EBF2: variants seen among roughly 807,000 people sequenced by gnomAD.
EBF2 encodes transcription factor COE2.
In EBF2, 21 loss-of-function variants were observed where a neutral mutation model predicts 72.8. The ratio of observed to expected loss-of-function variants is 0.29; its 90% CI spans 0.20 to 0.42. The LOEUF is 0.42. EBF2 is among the 10% of genes least tolerant of loss of function. EBF2 has a pLI of 1.00. For missense variants in EBF2, 637 were observed against 731.2 expected, an observed-to-expected ratio of 0.87 and a Z score of 1.49; for synonymous variants, 299 against 274.2, an observed-to-expected ratio of 1.09 and a Z score of -0.89.
At chr8:25,932,202 T>A (rs1803496259) in intron 6 of EBF2, among the ~76,000 whole-genome samples, 1 of 152,148 alleles carries the variant, frequency 6.6e-6, no homozygotes, top group Non-Finnish European at 1.5e-5. Flanking sequence ...CCTTCCTCCA[T>A]TCTAAGCCTT....
At chr8:26,041,028 C>A (rs201093663) in intron 2 of EBF2, 26 bp from the exon 3 acceptor site, 22 of 1,613,320 alleles carry the variant, frequency 1.4e-5, no homozygotes, top group Admixed American at 1.7e-5. Flanking sequence ...GCGTTCGATT[C>A]CCTTGCCTTT....
intron 6 of EBF2, among the ~76,000 whole-genome samples, chr8:25,999,021 T>C (rs1330995268): frequency 6.6e-6 from 1 of 152,132 alleles, no homozygotes; most frequent in Non-Finnish European, 1.5e-5. Context: ...CAATTTCTTG[T>C]AGAAGAGCTG....
rs555483014 is a variant in EBF2, at chr8:25,854,002, G to A, written c.1529-3241C>T. On this transcript the variant is annotated intron_variant, in intron 14 of 15. Coordinates refer to ENST00000520164, the MANE Select transcript of EBF2 (RefSeq NM_022659.4). ...TTAAATGTATTGCTTTCACTTGTCC[G>A]TATCTTCAAAGTTTTCTACAACAAA... 2.6e-5 allele frequency among the ~76,000 whole-genome samples: 4 copies of A among 152,134 alleles called. No homozygotes were observed. The East Asian group carries it at 5.8e-4, about 22-fold the overall frequency.
chr8:26,027,765 G>A (rs1805323519), intron 6 of EBF2, among the ~76,000 whole-genome samples: 1 of 152,034 alleles, frequency 6.6e-6, no homozygotes, highest in Non-Finnish European at 1.5e-5. Context: ...CCATACAACG[G>A]AATATCATTT....
At position 26,040,992 on chromosome 8, in the gene EBF2, T is replaced by C. The variant is rs1463763070; in HGVS notation, c.299A>G (p.Asn100Ser). 1.2e-6 allele frequency: 2 copies of C among 1,614,168 alleles called. No individual in the cohort carries two copies. Among genetic ancestry groups the C allele is most frequent in the South Asian group, 1.1e-5 (1 of 91,044 alleles). Residue 100 changes from asparagine (N) to serine (S), a missense_variant, in exon 3 of 16, where the codon AAC (asparagine) becomes AGC (serine). Physicochemically the swap from Asn to Ser is conservative, Grantham distance 46. Coordinates refer to ENST00000520164, the MANE Select transcript of EBF2 (RefSeq NM_022659.4). ...GTGAGTGCCGTTGTTGGTCTTCTCG[T>C]TGCCTTGTTCCTGAAAAGACAGGCA... ...DFVENDKEQGNEKTNNGTHYK... is the reference protein window; with the variant it reads ...DFVENDKEQGSEKTNNGTHYK...
chr8:26,036,490 A>C (rs1047349958), intron 5 of EBF2, among the ~76,000 whole-genome samples: 1 of 152,182 alleles, frequency 6.6e-6, no homozygotes, highest in Non-Finnish European at 1.5e-5. Context: ...AATTAGCCCC[A>C]TTTGAGCCCA....
chr8:26,018,987 A>G (rs964427455), intron 6 of EBF2, among the ~76,000 whole-genome samples: 2 of 149,630 alleles, frequency 1.3e-5, no homozygotes, highest in African/African-American at 4.9e-5. Flanking sequence ...GGAAGGTATT[A>G]GGCATCCTCT....
chr8:25,889,902 T>C (rs1314708809), intron 7 of EBF2, 33 bp from the exon 8 acceptor site: 1 of 1,576,288 alleles, frequency 6.3e-7, no homozygotes, highest in African/African-American at 1.4e-5. Context: ...AGAAAGGGGG[T>C]GCAGTGGAAT....
At chr8:26,039,906 C>A in intron 5 of EBF2, 122 bp downstream of exon 5, 1 of 985,558 alleles carries the variant, frequency 1.0e-6, no homozygotes, top group South Asian at 1.4e-5. Flanking sequence ...CCCGTCTGCC[C>A]GCGAGGCCTC....
intron 6 of EBF2, among the ~76,000 whole-genome samples, chr8:25,998,656 T>C (rs1198320369): frequency 6.6e-6 from 1 of 152,242 alleles, no homozygotes; most frequent in East Asian, 1.9e-4. Context: ...TCCCTGGTTG[T>C]AAGTGTCTGA....
chr8:26,005,561 T>TAGAGAGAGAGAGAG lies in EBF2; in HGVS notation c.551+27510_551+27523dup, dbSNP rs1554481009. On this transcript the variant is annotated intron_variant, in intron 6 of 15. Coordinates refer to ENST00000520164, the MANE Select transcript of EBF2 (RefSeq NM_022659.4). ...TATATTTTATATATATATATATATATAGAGAGAGAGAGAGAGAGGTATTTT... is the reference window on the plus strand; with the variant it reads ...TATATTTTATATATATATATATATATAGAGAGAGAGAGAGAGAGAGAGAGAGAGAGAGGTATTTT... Among the ~76,000 whole-genome samples, 421 of 63,876 alleles carry TAGAGAGAGAGAGAG rather than the reference T, an allele frequency of 6.6e-3. 13 individuals carry two copies. Among genetic ancestry groups the TAGAGAGAGAGAGAG allele is most frequent in the African/African-American group, 0.023 (319 of 13,764 alleles). The allele number at this position is 63,876 out of a possible 152,430, so 41.9% of individuals were successfully genotyped here.
chr8:25,984,151 G>T (rs1330934997), intron 6 of EBF2, among the ~76,000 whole-genome samples: 1 of 152,096 alleles, frequency 6.6e-6, no homozygotes, highest in East Asian at 1.9e-4. Flanking sequence ...ATTATTTCCG[G>T]AATGCGAAAC....
At chr8:25,850,461 A>G in intron 15 of EBF2, 133 bp downstream of exon 15, 2 of 1,135,412 alleles carry the variant, frequency 1.8e-6, no homozygotes, top group African/African-American at 1.6e-5. Flanking sequence ...GAAGCCATTC[A>G]TGTCCCATGA....
chr8:26,034,445 A>G lies in EBF2; in HGVS notation c.483-1292T>C, dbSNP rs948709637. On this transcript the variant is annotated intron_variant, in intron 5 of 15. Transcript: ENST00000520164. ...AGGATTAGCTGAGAGGGAGATAAAGAAGATCCCCTGGGGCAATTACAACAA... is the reference window on the plus strand; with the variant it reads ...AGGATTAGCTGAGAGGGAGATAAAGGAGATCCCCTGGGGCAATTACAACAA... Among the ~76,000 whole-genome samples, 12 of 152,204 alleles carry G rather than the reference A, an allele frequency of 7.9e-5. 1 individual carries two copies. The highest frequency in any genetic ancestry group is 2.9e-4 in the African/African-American group (12 of 41,460).
chr8:26,035,923 T>C (rs554753937), intron 5 of EBF2, among the ~76,000 whole-genome samples: 1 of 150,980 alleles, frequency 6.6e-6, no homozygotes, highest in South Asian at 2.1e-4. Flanking sequence ...GTTTCTAGAA[T>C]ATTGCTTATG....
chr8:25,857,450 A>G (rs1215522360), intron 14 of EBF2, among the ~76,000 whole-genome samples: 1 of 152,148 alleles, frequency 6.6e-6, no homozygotes, highest in Admixed American at 6.5e-5. Context: ...CACACTGGGT[A>G]AAAAGAGGGC....
intron 6 of EBF2, among the ~76,000 whole-genome samples, chr8:25,918,309 T>C (rs745837321): frequency 4.0e-4 from 61 of 152,236 alleles, no homozygotes; most frequent in Non-Finnish European, 7.6e-4. Flanking sequence ...GAGTGCATTC[T>C]CTTGCTAAGA....
At chr8:25,890,631 T>C (rs570826439) in intron 7 of EBF2, among the ~76,000 whole-genome samples, 31 of 152,312 alleles carry the variant, frequency 2.0e-4, no homozygotes, top group East Asian at 1.9e-3. Context: ...TATCTCACAG[T>C]GCTGAAATGA....
intron 6 of EBF2, among the ~76,000 whole-genome samples, chr8:25,963,650 A>G (rs764036182): frequency 3.9e-5 from 6 of 152,220 alleles, no homozygotes; most frequent in African/African-American, 1.2e-4. Context: ...ACTACAATGC[A>G]GGATATTTTT....
Sources: gnomAD v4.1 joint callset for allele counts (sites outside exome capture counted in the v4.1 genomes callset) on GRCh38, gnomAD v4.1.1 for gene constraint, MANE v1.5 for transcripts, NCBI Gene and HGNC (gene_info 2026-07-23, HGNC 2026-07-21) for gene names.